Variants in MCM5 observed in about 807,000 individuals in gnomAD.
MCM5 encodes DNA replication licensing factor MCM5.
In MCM5, 46 loss-of-function variants were observed where a neutral mutation model predicts 79.9. The observed-to-expected ratio is 0.58, with a 90% CI of 0.45 to 0.74. MCM5 has a LOEUF of 0.74. Among genes scored for constraint, MCM5 ranks in the 30% least tolerant of loss-of-function variants. The pLI, the probability that MCM5 is intolerant of heterozygous loss-of-function variation, is 0.00. For missense variants in MCM5, 883 were observed against 1,017.0 expected, an observed-to-expected ratio of 0.87 and a Z score of 1.79; for synonymous variants, 404 against 390.5, an observed-to-expected ratio of 1.03 and a Z score of -0.41.
At chr22:35,418,686 T>TACACACAC (rs34663823) in intron 13 of MCM5, among the ~76,000 whole-genome samples, 138 of 149,308 alleles carry the variant, frequency 9.2e-4, no homozygotes, top group African/African-American at 2.0e-3. Flanking sequence ...TATATATGTG[T>TACACACAC]ACACACACAC....
chr22:35,408,337 C>T, intron 5 of MCM5, 71 bp from the exon 6 acceptor site: 1 of 1,479,234 alleles, frequency 6.8e-7, no homozygotes, highest in Admixed American at 1.8e-5. Flanking sequence ...TTGCTGGCTC[C>T]TGGGATGAAT....
chr22:35,441,280 A>T, the MCM5 span, among the ~76,000 whole-genome samples: 1 of 152,150 alleles, frequency 6.6e-6, no homozygotes, highest in Non-Finnish European at 1.5e-5. Context: ...GATGGATTAG[A>T]TGTGTGCTGG....
At chr22:35,410,658 C>T (rs775099803) in intron 6 of MCM5, 86 bp from the exon 7 acceptor site, 18 of 1,325,134 alleles carry the variant, frequency 1.4e-5, no homozygotes, top group East Asian at 6.9e-5. Flanking sequence ...GTGGACCCTG[C>T]GTGTCCTGGG....
the MCM5 span, among the ~76,000 whole-genome samples, chr22:35,430,925 A>AT: frequency 1.3e-5 from 2 of 151,840 alleles, no homozygotes; most frequent in Admixed American, 1.3e-4. Flanking sequence ...AATCAGGAGA[A>AT]TTTTTTTGAT....
the MCM5 span, among the ~76,000 whole-genome samples, chr22:35,453,490 A>G: frequency 6.6e-6 from 1 of 150,786 alleles, no homozygotes; most frequent in Admixed American, 6.6e-5. Context: ...AGGGACAGAT[A>G]CAGAGAGACA....
At chr22:35,442,161 C>G in the MCM5 span, among the ~76,000 whole-genome samples, 9 of 152,072 alleles carry the variant, frequency 5.9e-5, no homozygotes, top group South Asian at 1.9e-3. Flanking sequence ...TCCTTCACCC[C>G]CTGGCCCCAC....
At chr22:35,451,420 C>T in the MCM5 span, among the ~76,000 whole-genome samples, 31 of 152,240 alleles carry the variant, frequency 2.0e-4, no homozygotes, top group African/African-American at 2.9e-4. Context: ...ACGCAAGCTG[C>T]GCGTTCATGG....
the MCM5 span, among the ~76,000 whole-genome samples, chr22:35,437,875 A>G: frequency 9.2e-5 from 14 of 152,178 alleles, no homozygotes; most frequent in Non-Finnish European, 1.5e-5. Context: ...CAGGTTGGAA[A>G]GTGTCAATCT....
chr22:35,406,749 T>C, intron 5 of MCM5, 24 bp downstream of exon 5: 1 of 1,601,494 alleles, frequency 6.2e-7, no homozygotes, highest in East Asian at 2.2e-5. Flanking sequence ...CCAGAGGGAC[T>C]GTGGGAGGTG....
chr22:35,439,027 TCATC>T, the MCM5 span, among the ~76,000 whole-genome samples: 4 of 122,258 alleles, frequency 3.3e-5, no homozygotes, highest in East Asian at 8.5e-4. Context: ...ATCCACATAT[TCATC>T]CATCCATTCA....
At chr22:35,450,507 G>A in the MCM5 span, among the ~76,000 whole-genome samples, 20 of 152,224 alleles carry the variant, frequency 1.3e-4, no homozygotes, top group East Asian at 7.7e-4. Flanking sequence ...GCCCAGACTC[G>A]CCCGCCTGAC....
the MCM5 span, among the ~76,000 whole-genome samples, chr22:35,434,659 C>A: frequency 1.3e-5 from 2 of 152,180 alleles, no homozygotes; most frequent in Admixed American, 1.3e-4. Flanking sequence ...CTTTACCCCA[C>A]AAGGAGGAAC....
intron 12 of MCM5, among the ~76,000 whole-genome samples, 174 bp from the exon 13 acceptor site, chr22:35,417,570 C>T (rs1413905473): frequency 6.6e-6 from 1 of 152,196 alleles, no homozygotes; most frequent in Non-Finnish European, 1.5e-5. Flanking sequence ...ATGCTCCCAT[C>T]AGAACGAGGG....
At chr22:35,416,210 G>C in intron 10 of MCM5, 129 bp from the exon 11 acceptor site, 1 of 993,584 alleles carries the variant, frequency 1.0e-6, no homozygotes. Flanking sequence ...GAGGTGACCT[G>C]GTTGCTGCCA....
downstream of MCM5, among the ~76,000 whole-genome samples, chr22:35,427,598 A>T (rs946603147): frequency 6.0e-5 from 9 of 149,496 alleles, no homozygotes; most frequent in African/African-American, 2.2e-4. Context: ...TGCAGAACGT[A>T]AAGTTTTGTT....
chr22:35,444,769 T>C, the MCM5 span, among the ~76,000 whole-genome samples: 20 of 152,182 alleles, frequency 1.3e-4, no homozygotes, highest in Non-Finnish European at 2.1e-4. Context: ...ATTCCACTGC[T>C]TTGGGAGGCG....
chr22:35,406,861 G>C, intron 5 of MCM5, 136 bp downstream of exon 5: 1 of 854,314 alleles, frequency 1.2e-6, no homozygotes, highest in East Asian at 2.6e-5. Context: ...GTGCCCTTAG[G>C]ATTGGCACAG....
intron 16 of MCM5, chr22:35,423,870 T>G (rs1332523161): frequency 2.6e-6 from 1 of 382,186 alleles, no homozygotes; most frequent in Non-Finnish European, 4.7e-6. Context: ...TCGTGTCTAT[T>G]CTATAGGTGC....
At chr22:35,429,276 G>A (rs896077556), downstream of MCM5, among the ~76,000 whole-genome samples, 13 of 93,304 alleles carry the variant, frequency 1.4e-4, no homozygotes, top group Non-Finnish European at 2.0e-4. Flanking sequence ...ATGAGCCACC[G>A]TGCCCGGCCA....
Sources: gnomAD v4.1 joint callset for allele counts (sites outside exome capture counted in the v4.1 genomes callset) on GRCh38, gnomAD v4.1.1 for gene constraint, MANE v1.5 for transcripts, NCBI Gene and HGNC (gene_info 2026-07-23, HGNC 2026-07-21) for gene names.